USP47: variants seen among roughly 807,000 people sequenced by gnomAD.
The protein encoded by USP47 is ubiquitin carboxyl-terminal hydrolase 47.
Under a neutral mutation model 165.1 loss-of-function variants are expected in USP47, and 35 were observed. The ratio of observed to expected loss-of-function variants is 0.21; its 90% CI spans 0.16 to 0.28. The LOEUF is 0.28. USP47 is among the 10% of genes least tolerant of loss of function. USP47 has a pLI of 1.00. For synonymous variants in USP47, 531 were observed against 544.5 expected (o/e 0.98, Z 0.35); for missense variants, 1,277 against 1,607.4 (o/e 0.79, Z 3.52).
At chr11:11,883,426 G>A (rs1850954847) in intron 2 of USP47, among the ~76,000 whole-genome samples, 1 of 152,140 alleles carries the variant, frequency 6.6e-6, no homozygotes, top group Non-Finnish European at 1.5e-5. Context: ...ACTGAGTCAT[G>A]GGGAAGTGAA....
intron 1 of USP47, among the ~76,000 whole-genome samples, chr11:11,859,678 G>T (rs1849261277): frequency 6.6e-6 from 1 of 152,124 alleles, no homozygotes; most frequent in African/African-American, 2.4e-5. Context: ...ATTTCATTAT[G>T]TACAAGAATT....
intron 3 of USP47, among the ~76,000 whole-genome samples, chr11:11,890,352 A>G (rs1564866488): frequency 6.6e-6 from 1 of 152,096 alleles, no homozygotes; most frequent in African/African-American, 2.4e-5. Flanking sequence ...AATTTACGAG[A>G]AAAAAACAGA....
intron 8 of USP47, among the ~76,000 whole-genome samples, chr11:11,916,567 T>G (rs934581810): frequency 4.6e-5 from 7 of 151,622 alleles, no homozygotes; most frequent in African/African-American, 1.7e-4. Context: ...AAGAATAAAT[T>G]AAAAAATGCT....
At chr11:11,912,907 T>C (rs922850124) in intron 8 of USP47, among the ~76,000 whole-genome samples, 2 of 151,890 alleles carry the variant, frequency 1.3e-5, no homozygotes, top group Non-Finnish European at 2.9e-5. Context: ...AAAAAGAAAA[T>C]TCATATGATC....
intron 8 of USP47, among the ~76,000 whole-genome samples, chr11:11,917,271 G>T (rs1159960446): frequency 6.6e-6 from 1 of 152,166 alleles, no homozygotes; most frequent in Non-Finnish European, 1.5e-5. Flanking sequence ...AGCCAGGCAA[G>T]TGTTTCTTAA....
intron 1 of USP47, among the ~76,000 whole-genome samples, chr11:11,850,697 CAG>C (rs1329685658): frequency 1.3e-5 from 2 of 152,134 alleles, no homozygotes; most frequent in African/African-American, 2.4e-5. Flanking sequence ...GATTTCCTTG[CAG>C]ACTCCCAGTC....
rs1039960998 is a variant in USP47 at position 11,957,222 on chromosome 11, G to A, written c.*1047G>A. 6.6e-6 allele frequency: 1 copy of A among 152,120 alleles called. No homozygotes were observed. The highest frequency in any genetic ancestry group is 1.5e-5 in the Non-Finnish European group (1 of 68,016). The allele number at this position is 152,120 out of a possible 1,614,324, so 9.4% of individuals were successfully genotyped here. A position where few individuals can be genotyped will look rare whatever the true frequency, so the allele number is the denominator to read the frequency against. Reference sequence around the variant, plus strand: ...CAGTTTTAATTTTTAGAGTCAATTTGTAGTTACATGTAGTTTAACTTTTGG... The same window carrying A: ...CAGTTTTAATTTTTAGAGTCAATTTATAGTTACATGTAGTTTAACTTTTGG... On this transcript the variant is annotated 3_prime_UTR_variant, in exon 28 of 28. Coordinates refer to ENST00000527733, the MANE Select transcript of USP47 (RefSeq NM_001282659.2).
intron 1 of USP47, among the ~76,000 whole-genome samples, chr11:11,879,657 T>C (rs1332285267): frequency 1.3e-5 from 2 of 152,126 alleles, no homozygotes; most frequent in African/African-American, 2.4e-5. Context: ...TCTGGACTTA[T>C]GAGTACAGCA....
At position 11,932,999 on chromosome 11, in the gene USP47, A is replaced by C; in HGVS notation, c.1652-5A>C. 1 of 1,607,098 alleles carries C rather than the reference A, an allele frequency of 6.2e-7. No homozygotes were observed. The highest frequency in any genetic ancestry group is 1.1e-5 in the South Asian group (1 of 90,456). On this transcript the variant is annotated splice_region_variant and splice_polypyrimidine_tract_variant and intron_variant, in intron 14 of 27. Coordinates refer to ENST00000527733, the MANE Select transcript of USP47 (RefSeq NM_001282659.2). ...ACTGTCTTATCCTGTTTTTATTACT[A>C]ATAGAATTTCTAGAAGTGGATGAAT...
At position 11,929,489 on chromosome 11, in the gene USP47, G is replaced by C. The variant is rs1590401177; in HGVS notation, c.1442G>C (p.Gly481Ala). ...SVMVHSGSAA[G>A]GHYYACIKSF... ...ATGGTTCATTCTGGGAGCGCTGCTGGTGGTCATTATTATGCATGTATAAAG... is the reference window on the plus strand; with the variant it reads ...ATGGTTCATTCTGGGAGCGCTGCTGCTGGTCATTATTATGCATGTATAAAG... Residue 481 changes from glycine (G) to alanine (A), a missense_variant, in exon 12 of 28, where the codon GGT becomes GCT. This residue lies in a region of USP47 where 909 missense variants were observed against 1,068.1 expected (regional missense o/e 0.85). Transcript: ENST00000527733. 5.0e-6 allele frequency: 8 copies of C among 1,613,138 alleles called. No individual in the cohort carries two copies. Among genetic ancestry groups the C allele is most frequent in the African/African-American group, 1.3e-5 (1 of 74,816 alleles).
At chr11:11,900,260 T>C (rs1368607472) in intron 5 of USP47, among the ~76,000 whole-genome samples, 1 of 149,914 alleles carries the variant, frequency 6.7e-6, no homozygotes, top group Non-Finnish European at 1.5e-5. Context: ...CTGGGGTTCA[T>C]GTTCATTCTC....
At chr11:11,864,071 A>G (rs997414104) in intron 1 of USP47, among the ~76,000 whole-genome samples, 2 of 152,124 alleles carry the variant, frequency 1.3e-5, no homozygotes. Flanking sequence ...ATACAAACAC[A>G]TATGTGAGTG....
At chr11:11,872,483 T>C (rs567951167) in intron 1 of USP47, among the ~76,000 whole-genome samples, 1 of 152,276 alleles carries the variant, frequency 6.6e-6, no homozygotes, top group South Asian at 2.1e-4. Context: ...TCAAAGAATT[T>C]GTGGATATGT....
chr11:11,885,914 C>A (rs1851133552), intron 3 of USP47, among the ~76,000 whole-genome samples: 1 of 152,184 alleles, frequency 6.6e-6, no homozygotes. Context: ...TGTTTCACAG[C>A]CTTCACTGGT....
At chr11:11,907,928 T>G (rs1852683146) in intron 8 of USP47, among the ~76,000 whole-genome samples, 1 of 151,928 alleles carries the variant, frequency 6.6e-6, no homozygotes, top group African/African-American at 2.4e-5. Context: ...AAACCTCGTC[T>G]CTACTAAAAA....
In USP47 at chr11:11,905,550, T is replaced by G; in HGVS notation, c.969+2T>G. 1 of 1,599,134 alleles carries G rather than the reference T, an allele frequency of 6.3e-7. No individual in the cohort carries two copies. The highest frequency in any genetic ancestry group is 8.5e-7 in the Non-Finnish European group (1 of 1,170,136). On this transcript the variant is annotated splice_donor_variant, in intron 8 of 27. Coordinates refer to ENST00000527733, the MANE Select transcript of USP47 (RefSeq NM_001282659.2). LOFTEE classifies it high-confidence loss of function. Reference sequence around the variant, plus strand: ...TCCAGCCAAGCATTTGCTAGTGTGGTGTGTACCTTTCACCTGACTGCTTGT... The same window carrying G: ...TCCAGCCAAGCATTTGCTAGTGTGGGGTGTACCTTTCACCTGACTGCTTGT...
At chr11:11,923,062 A>G (rs372174352) in intron 11 of USP47, among the ~76,000 whole-genome samples, 171 bp downstream of exon 11, 24,412 of 124,266 alleles carry the variant, frequency 0.2, 3,007 homozygotes, top group Non-Finnish European at 0.25. Context: ...ATATATATAT[A>G]TATATATATA....
intron 8 of USP47, among the ~76,000 whole-genome samples, chr11:11,911,134 A>T (rs1697024919): frequency 6.6e-6 from 1 of 152,224 alleles, no homozygotes; most frequent in African/African-American, 2.4e-5. Context: ...CAGTAGGTCG[A>T]ATCTGTGAAC....
intron 1 of USP47, 90 bp downstream of exon 1, chr11:11,842,314 G>C (rs1156995075): frequency 1.6e-5 from 23 of 1,439,930 alleles, no homozygotes; most frequent in Non-Finnish European, 2.0e-5. Context: ...GGGCCCGGCC[G>C]GGGTGCAGGC....
Sources: allele counts gnomAD v4.1 joint callset (sites outside exome capture counted in the v4.1 genomes callset), GRCh38; gene constraint gnomAD v4.1.1; regional missense constraint gnomAD v4.1.1; transcripts MANE v1.5; gene names NCBI Gene and HGNC (gene_info 2026-07-23, HGNC 2026-07-21).